Variants in METTL13 observed in about 807,000 individuals in gnomAD.
The protein encoded by METTL13 is eEF1A lysine and N-terminal methyltransferase.
In METTL13, 52 loss-of-function variants were observed where a neutral mutation model predicts 67.4. The ratio of observed to expected loss-of-function variants is 0.77; its 90% confidence interval spans 0.62 to 0.97. METTL13 has a LOEUF of 0.97. METTL13 is among the 50% of genes least tolerant of loss of function. The pLI is 0.00. For synonymous variants in METTL13, 354 were observed against 353.6 expected (o/e 1.00, Z -0.01); for missense variants, 825 against 889.6 (o/e 0.93, Z 0.92).
chr1:171,790,096 T>C (rs889287326), intron 4 of METTL13, among the ~76,000 whole-genome samples: 8 of 152,162 alleles, frequency 5.3e-5, no homozygotes, highest in African/African-American at 1.7e-4. Flanking sequence ...GTACATCACA[T>C]AGCAAGAGAG....
chr1:171,782,088 G>T lies in METTL13; in HGVS notation c.121G>T (p.Val41Leu), dbSNP rs1386903658. 2 of 1,614,110 alleles carry T rather than the reference G, an allele frequency of 1.2e-6. No homozygotes were observed. Among genetic ancestry groups the T allele is most frequent in the African/African-American group, 2.7e-5 (2 of 75,036 alleles). Reference sequence around the variant, plus strand: ...TGGAACCTACCTGGAACTGTGCGGGGTGCTACATAAATATATCAAGCCCAG... The same window carrying T: ...TGGAACCTACCTGGAACTGTGCGGGTTGCTACATAAATATATCAAGCCCAG... ...WYGTYLELCG[V>L]LHKYIKPREK... The change falls in exon 1 of 8, where the codon GTG becomes TTG. Residue 41 changes from valine to leucine, a missense_variant. Val to Leu is a conservative substitution (Grantham distance 32). Coordinates refer to ENST00000361735, the MANE Select transcript of METTL13 (RefSeq NM_015935.5).
chr1:171,788,225 A>G (rs542744006), intron 4 of METTL13, among the ~76,000 whole-genome samples: 2 of 152,196 alleles, frequency 1.3e-5, no homozygotes, highest in African/African-American at 2.4e-5. Context: ...TATTGTTTCA[A>G]TAGGCCTCTG....
At chr1:171,791,194 T>G (rs1657193566) in intron 5 of METTL13, among the ~76,000 whole-genome samples, 1 of 152,238 alleles carries the variant, frequency 6.6e-6, no homozygotes. Flanking sequence ...TTCTTAGATT[T>G]AATTCTCAGG....
Position 171,781,868 on chromosome 1 carries a change from A to C in METTL13, c.-100A>C. 6.5e-7 allele frequency: 1 copy of C among 1,546,112 alleles called. No homozygotes were observed. The highest frequency in any genetic ancestry group is 8.7e-7 in the Non-Finnish European group (1 of 1,147,026). Reference sequence around the variant, plus strand: ...CTGTTTTTCCGTGGAAAGAATTCCCACTGCAGTGTCCCGGAGCCTGCGTGT... The same window carrying C: ...CTGTTTTTCCGTGGAAAGAATTCCCCCTGCAGTGTCCCGGAGCCTGCGTGT... On this transcript the variant is annotated 5_prime_UTR_variant, in exon 1 of 8. Transcript: ENST00000361735.
intron 2 of METTL13, among the ~76,000 whole-genome samples, chr1:171,784,868 G>C (rs149361611): frequency 8.7e-4 from 133 of 152,296 alleles, no homozygotes; most frequent in African/African-American, 3.0e-3. Flanking sequence ...TGCTGGACTA[G>C]CAAGTCTAAG....
intron 1 of METTL13, among the ~76,000 whole-genome samples, chr1:171,782,824 C>T (rs1431632925): frequency 6.6e-6 from 1 of 152,164 alleles, no homozygotes; most frequent in African/African-American, 2.4e-5. Flanking sequence ...AAACCCTGCA[C>T]ATGTTCCAGA....
chr1:171,785,825 GT>G lies in METTL13; in HGVS notation c.914-52del, dbSNP rs565564640. On this transcript the variant is annotated intron_variant, in intron 2 of 7. Transcript: ENST00000361735. Reference sequence around the variant, plus strand: ...GCTCCCTGCCGTTTGGGCCATATTGGTTGTGGGCTTGATCACTTTCCAGGAC... The same window carrying G: ...GCTCCCTGCCGTTTGGGCCATATTGGTGTGGGCTTGATCACTTTCCAGGAC... 7.4e-5 allele frequency: 118 copies of G among 1,585,036 alleles called. 2 individuals are homozygous for G. In the South Asian group the frequency reaches 1.3e-3, roughly 17 times the overall value.
chr1:171,792,478 C>T (rs954997716), intron 6 of METTL13, among the ~76,000 whole-genome samples: 1 of 152,190 alleles, frequency 6.6e-6, no homozygotes, highest in Non-Finnish European at 1.5e-5. Context: ...TGCTAACAGA[C>T]CAGTGGGCTT....
Position 171,786,033 on chromosome 1 carries a change from T to C in METTL13, c.1068T>C (p.Ala356=), listed in dbSNP as rs1435882655. 1 of 1,613,802 alleles carries C rather than the reference T, an allele frequency of 6.2e-7. No individual in the cohort carries two copies. The highest frequency in any genetic ancestry group is 8.5e-7 in the Non-Finnish European group (1 of 1,179,964). ...SMDHIQAELS[A]RVMELAPAGM... ...ACCACATCCAAGCTGAGCTGTCGGC[T>C]AGAGTCATGGAGCTGGCCCCAGCTG... The change falls in exon 3 of 8, where the codon GCT becomes GCC. Residue 356 remains alanine, a synonymous_variant. Coordinates refer to ENST00000361735, the MANE Select transcript of METTL13 (RefSeq NM_015935.5).
Position 171,784,185 on chromosome 1 carries a change from TCTC to T in METTL13, c.602_604del (p.Ser201del), listed in dbSNP as rs771801340. 6 of 1,614,032 alleles carry T rather than the reference TCTC, an allele frequency of 3.7e-6. No individual in the cohort carries two copies. In the Admixed American group the frequency reaches 1.0e-4, roughly 27 times the overall value. On this transcript the variant is annotated inframe_deletion, in exon 2 of 8. Coordinates refer to ENST00000361735, the MANE Select transcript of METTL13 (RefSeq NM_015935.5). ...CAGGTGTTGGAAGCAGAGCCTCAGT[TCTC>T]CTTGCCTGTCTTTGCCTTCATCATG...
rs772981009 is a variant in METTL13, at chr1:171,790,471, G to T, written c.1329G>T (p.Lys443Asn). The change falls in exon 5 of 8, where the codon AAG becomes AAT. Residue 443 changes from lysine to asparagine, a missense_variant. By Grantham distance (94) the Lys-to-Asn change is moderately conservative (BLOSUM62 0). Transcript: ENST00000361735. ...VSHKAQKKRK[K>N]DRKKQRPADA... is the part of the protein sequence containing the mutation. Reference sequence around the variant, plus strand: ...GTTTAGCCCAGAAGAAGCGGAAAAAGGACAGGAAGAAGCAGCGGCCTGCTG... The same window carrying T: ...GTTTAGCCCAGAAGAAGCGGAAAAATGACAGGAAGAAGCAGCGGCCTGCTG... 6.2e-7 allele frequency: 1 copy of T among 1,602,538 alleles called. No individual in the cohort carries two copies. Among genetic ancestry groups the T allele is most frequent in the Non-Finnish European group, 8.5e-7 (1 of 1,175,794 alleles).
intron 4 of METTL13, among the ~76,000 whole-genome samples, chr1:171,790,160 A>C (rs1373794872): frequency 1.3e-5 from 2 of 152,162 alleles, no homozygotes; most frequent in African/African-American, 4.8e-5. Flanking sequence ...GTGAGAACTC[A>C]CTCAATACCA....
intron 6 of METTL13, among the ~76,000 whole-genome samples, chr1:171,793,990 C>G (rs1431474872): frequency 1.3e-5 from 2 of 152,192 alleles, no homozygotes; most frequent in African/African-American, 2.4e-5. Flanking sequence ...CCATCTGCCC[C>G]CTACTACCCC....
In METTL13 at chr1:171,784,029, G is replaced by T. The variant is rs772025024; in HGVS notation, c.443G>T (p.Arg148Leu). ...GACAGGATGCTGGCTGAGGTTGGCC[G>T]TGTCCTGCAGGTGGGCGGTCGCTAT... ...QVDRMLAEVGRVLQVGGRYLC... is the reference protein window; with the variant it reads ...QVDRMLAEVGLVLQVGGRYLC... The change falls in exon 2 of 8, where the codon CGT becomes CTT. Residue 148 changes from arginine (R) to leucine (L), a missense_variant. Coordinates refer to ENST00000361735, the MANE Select transcript of METTL13 (RefSeq NM_015935.5). 1.9e-6 allele frequency: 3 copies of T among 1,614,090 alleles called. No individual in the cohort carries two copies. The highest frequency in any genetic ancestry group is 1.3e-5 in the African/African-American group (1 of 74,912).
intron 5 of METTL13, 107 bp from the exon 6 acceptor site, chr1:171,791,910 C>G (rs1657220054): frequency 9.1e-7 from 1 of 1,103,614 alleles, no homozygotes; most frequent in East Asian, 2.4e-5. Context: ...ATCTTGTATC[C>G]CCTGAATGGA....
At chr1:171,782,869 A>G (rs1656873084) in intron 1 of METTL13, among the ~76,000 whole-genome samples, 1 of 152,218 alleles carries the variant, frequency 6.6e-6, no homozygotes, top group Non-Finnish European at 1.5e-5. Context: ...TGGGTTTGGT[A>G]TAGGTGAGAT....
At chr1:171,785,784 T>G in intron 2 of METTL13, 95 bp from the exon 3 acceptor site, 2 of 1,281,684 alleles carry the variant, frequency 1.6e-6, no homozygotes, top group Non-Finnish European at 2.2e-6. Flanking sequence ...AAGATGCTGG[T>G]CTTGGACAGG....
intron 5 of METTL13, 138 bp downstream of exon 5, chr1:171,790,754 A>G: frequency 1.0e-6 from 1 of 957,756 alleles, no homozygotes; most frequent in Non-Finnish European, 1.4e-6. Context: ...ACCATGTTAT[A>G]AGTTAATGAG....
At chr1:171,794,959 A>G (rs1347011778) in intron 7 of METTL13, among the ~76,000 whole-genome samples, 3 of 152,108 alleles carry the variant, frequency 2.0e-5, no homozygotes, top group Non-Finnish European at 4.4e-5. Context: ...AGCTGGGACT[A>G]CAGGTGGATG....
Sources: gnomAD v4.1 joint callset for allele counts (sites outside exome capture counted in the v4.1 genomes callset) on GRCh38, gnomAD v4.1.1 for gene constraint, MANE v1.5 for transcripts, NCBI Gene and HGNC (gene_info 2026-07-23, HGNC 2026-07-21) for gene names.